Variants in SRPK2 observed in about 807,000 individuals in gnomAD.
The protein encoded by SRPK2 is SRSF protein kinase 2, also known as SFRS protein kinase 2.
SRPK2 carries 21 observed loss-of-function variants against 90.8 expected under a neutral mutation model. That is an observed-to-expected ratio of 0.23 (90% CI 0.16 to 0.33). The LOEUF is 0.33. Ranked by LOEUF, SRPK2 falls within the 10% of genes least tolerant of loss-of-function variation. The pLI, the probability that SRPK2 is intolerant of heterozygous loss-of-function variation, is 1.00. For synonymous variants in SRPK2, 288 were observed against 311.1 expected, an observed-to-expected ratio of 0.93 and a Z score of 0.78; for missense variants, 620 against 869.0, an observed-to-expected ratio of 0.71 and a Z score of 3.60.
upstream of SRPK2, among the ~76,000 whole-genome samples, chr7:105,390,841 G>C (rs577736620): frequency 6.6e-6 from 1 of 151,856 alleles, no homozygotes; most frequent in East Asian, 1.9e-4. Context: ...TCCCTGTTTT[G>C]GATTTGTCTG....
chr7:105,161,959 G>A (rs997547199), intron 6 of SRPK2, among the ~76,000 whole-genome samples: 7 of 152,168 alleles, frequency 4.6e-5, no homozygotes, highest in Non-Finnish European at 1.0e-4. Context: ...CGCTGTGCCA[G>A]GTGGACTAGA....
chr7:105,342,089 C>T (rs936511300), intron 2 of SRPK2, among the ~76,000 whole-genome samples: 15 of 151,214 alleles, frequency 9.9e-5, no homozygotes, highest in African/African-American at 2.9e-4. Context: ...CACAGTGAAA[C>T]CCCATCTCTA....
intron 8 of SRPK2, among the ~76,000 whole-genome samples, chr7:105,145,958 A>C (rs1458793559): frequency 1.3e-5 from 2 of 152,108 alleles, no homozygotes; most frequent in African/African-American, 4.8e-5. Flanking sequence ...GAAGAGTGAG[A>C]AGCACAGTCC....
intron 7 of SRPK2, among the ~76,000 whole-genome samples, chr7:105,151,080 A>G (rs1208795486): frequency 6.6e-6 from 1 of 152,156 alleles, no homozygotes; most frequent in Non-Finnish European, 1.5e-5. Flanking sequence ...CTCAGTAAAA[A>G]CTTAAAGTTC....
rs1810565545 is a variant in SRPK2 at position 105,301,609 on chromosome 7, T to C, written c.71+87039A>G. 8.7e-6 allele frequency: 14 copies of C among 1,607,634 alleles called. No homozygotes were observed. The South Asian group carries it at 1.2e-4, about 14-fold the overall frequency. ...AAGTTTCCGGGAATTAAGTTCAGTT[T>C]CTTTTCAATATAGGATAGGTGAAAA... On this transcript the variant is annotated intron_variant, in intron 2 of 15. Transcript: ENST00000393651.
intron 2 of SRPK2, among the ~76,000 whole-genome samples, chr7:105,351,651 A>C (rs1228504065): frequency 2.6e-5 from 4 of 151,832 alleles, no homozygotes; most frequent in Non-Finnish European, 5.9e-5. Flanking sequence ...AAAAATACAA[A>C]AAATTAGCTG....
chr7:105,233,255 C>G (rs1254144827), intron 2 of SRPK2, among the ~76,000 whole-genome samples: 2 of 152,100 alleles, frequency 1.3e-5, no homozygotes, highest in African/African-American at 4.8e-5. Context: ...AACACCTAAT[C>G]GCATCTGAAA....
Position 105,142,411 on chromosome 7 carries a change from T to C in SRPK2, c.1140A>G (p.Glu380=), listed in dbSNP as rs995023790. ...IEKDEDDVDQ[E]LANIDPTWIE... ...TCCACGTAGGGTCTATGTTCGCAAGTTCCTGATCTACATCATCTTCATCTT... is the reference window on the plus strand; with the variant it reads ...TCCACGTAGGGTCTATGTTCGCAAGCTCCTGATCTACATCATCTTCATCTT... The change falls in exon 11 of 16, where the codon GAA becomes GAG. Residue 380 remains glutamate, a synonymous_variant. Coordinates refer to ENST00000393651, the MANE Select transcript of SRPK2 (RefSeq NM_182692.3). The C allele has an allele frequency of 1.2e-6, 2 of 1,614,136 alleles. No homozygotes were observed. Among genetic ancestry groups the C allele is most frequent in the African/African-American group, 1.3e-5 (1 of 75,038 alleles).
chr7:105,203,541 C>T, intron 3 of SRPK2, 87 bp downstream of exon 3: 3 of 1,355,276 alleles, frequency 2.2e-6, no homozygotes, highest in South Asian at 4.3e-5. Context: ...TGCATCACTA[C>T]CTCCTCCCCT....
At chr7:105,220,174 AAAAT>A (rs1223057585) in intron 2 of SRPK2, among the ~76,000 whole-genome samples, 1 of 152,250 alleles carries the variant, frequency 6.6e-6, no homozygotes, top group African/African-American at 2.4e-5. Context: ...ATGTGGCTAT[AAAAT>A]AAATACTTTA....
chr7:105,396,453 C>G (rs993691631), intron 1 of SRPK2, among the ~76,000 whole-genome samples: 1 of 151,636 alleles, frequency 6.6e-6, no homozygotes, highest in Non-Finnish European at 1.5e-5. Context: ...CTGGCTAACA[C>G]GGCGAAATCT....
intron 2 of SRPK2, among the ~76,000 whole-genome samples, chr7:105,265,397 C>G (rs765384885): frequency 7.2e-5 from 11 of 152,082 alleles, no homozygotes; most frequent in Non-Finnish European, 1.6e-4. Context: ...TGTGCAAATA[C>G]TATACCATTT....
rs887694625 is a variant in SRPK2, at chr7:105,127,128, C to T, written c.1753-66G>A. The T allele has an allele frequency of 1.1e-5, 17 of 1,525,106 alleles. No homozygotes were observed. In the African/African-American group the frequency reaches 2.3e-4, roughly 21 times the overall value. The allele number at this position is 1,525,106 out of a possible 1,614,324, so 94.5% of individuals were successfully genotyped here. On this transcript the variant is annotated intron_variant, in intron 13 of 15. Coordinates refer to ENST00000393651, the MANE Select transcript of SRPK2 (RefSeq NM_182692.3). Reference sequence around the variant, plus strand: ...GGCCCCCAAGTCAACAGCTTTTTCTCCTTATAGAAGAGACCGCCACTTTAT... The same window carrying T: ...GGCCCCCAAGTCAACAGCTTTTTCTTCTTATAGAAGAGACCGCCACTTTAT...
chr7:105,368,799 C>G (rs1819369663), intron 2 of SRPK2, among the ~76,000 whole-genome samples: 1 of 149,776 alleles, frequency 6.7e-6, no homozygotes, highest in African/African-American at 2.5e-5. Context: ...GCATGAGAAT[C>G]GCTTGAACCC....
At chr7:105,127,431 C>T (rs1157467401) in intron 13 of SRPK2, among the ~76,000 whole-genome samples, 1 of 152,240 alleles carries the variant, frequency 6.6e-6, no homozygotes, top group East Asian at 1.9e-4. Flanking sequence ...CAGCACCTGC[C>T]TCAACCACTA....
intron 2 of SRPK2, among the ~76,000 whole-genome samples, chr7:105,274,387 C>T (rs1400830568): frequency 6.6e-6 from 1 of 152,010 alleles, no homozygotes; most frequent in African/African-American, 2.4e-5. Flanking sequence ...GATGGTGAAA[C>T]ACCAACTCTA....
chr7:105,258,417 C>CAAAAAAA (rs33941320), intron 2 of SRPK2, among the ~76,000 whole-genome samples: 10 of 121,618 alleles, frequency 8.2e-5, no homozygotes, highest in African/African-American at 2.5e-4. Flanking sequence ...AACTCGGTCT[C>CAAAAAAA]AAAAAAAAAA....
chr7:105,321,072 A>G (rs1202049170), intron 2 of SRPK2, among the ~76,000 whole-genome samples: 2 of 152,264 alleles, frequency 1.3e-5, no homozygotes, highest in Admixed American at 1.3e-4. Context: ...ACCCCAAGTG[A>G]TCTTCCCACC....
intron 2 of SRPK2, among the ~76,000 whole-genome samples, chr7:105,238,371 T>C (rs2129622076): frequency 1.3e-5 from 2 of 152,326 alleles, no homozygotes; most frequent in South Asian, 4.1e-4. Flanking sequence ...GGAGGTACAG[T>C]CTGTCCTTAC....
Sources: gnomAD v4.1 joint callset for allele counts (sites outside exome capture counted in the v4.1 genomes callset) on GRCh38, gnomAD v4.1.1 for gene constraint, MANE v1.5 for transcripts, NCBI Gene and HGNC (gene_info 2026-07-23, HGNC 2026-07-21) for gene names.